The following GNG7 variants were observed in gnomAD, a reference collection of about 807,000 sequenced individuals.
GNG7 encodes the protein guanine nucleotide-binding protein G(I)/G(S)/G(O) subunit gamma-7.
Under a neutral mutation model 4.0 loss-of-function variants are expected in GNG7, and 1 was observed. The observed-to-expected ratio is 0.25, with a 90% CI of 0.09 to 1.18. The LOEUF is 1.18. GNG7 is among the 50% of genes most tolerant of loss of function. The probability of loss-of-function intolerance (pLI) is 0.50; values close to 1 mark genes in which losing one functional copy is unlikely to be tolerated. For missense variants in GNG7, 86 were observed against 91.9 expected (o/e 0.94, Z 0.26); for synonymous variants, 34 against 36.9 (o/e 0.92, Z 0.29).
chr19:2,699,333 C>T (rs2144664705), intron 1 of GNG7, among the ~76,000 whole-genome samples: 1 of 152,058 alleles, frequency 6.6e-6, no homozygotes, highest in South Asian at 2.1e-4. Context: ...ATTTTTAGTA[C>T]AGATGGGGTT....
Position 2,513,544 on chromosome 19 carries a change from C to A in GNG7, c.*1478G>T. ...CCCGACCCCATGACATCTTCGATTT[C>A]CACTTGCCGCTGGGAGGAGTGGCCC... On this transcript the variant is annotated 3_prime_UTR_variant, in exon 5 of 5. Coordinates refer to ENST00000382159, the MANE Select transcript of GNG7 (RefSeq NM_052847.3). 1.0e-6 allele frequency: 1 copy of A among 985,568 alleles called. No homozygotes were observed. The highest frequency in any genetic ancestry group is 1.2e-6 in the Non-Finnish European group (1 of 830,034). The allele number at this position is 985,568 out of a possible 1,614,324, so 61.1% of individuals were successfully genotyped here.
intron 3 of GNG7, among the ~76,000 whole-genome samples, chr19:2,535,268 C>G (rs2144740837): frequency 6.7e-6 from 1 of 148,996 alleles, no homozygotes; most frequent in East Asian, 2.0e-4. Context: ...GCAGGAGGAT[C>G]ACTTGAGCCC....
chr19:2,625,825 T>C (rs1004421607), intron 2 of GNG7, among the ~76,000 whole-genome samples: 36 of 151,666 alleles, frequency 2.4e-4, no homozygotes, highest in African/African-American at 8.7e-4. Flanking sequence ...AGGCGGAGTC[T>C]CACTCTGTCG....
At chr19:2,552,858 C>CACCTCCCCA (rs1173023606) in intron 3 of GNG7, among the ~76,000 whole-genome samples, 1 of 78,628 alleles carries the variant, frequency 1.3e-5, no homozygotes, top group South Asian at 5.1e-4. Context: ...TCCACCCCCC[C>CACCTCCCCA]CACCTCCCCA....
Position 2,513,105 on chromosome 19 carries a change from A to G in GNG7, c.*1917T>C. ...GGCCTGTGGGAGCTGCCCGAGGTTG[A>G]GGAGTGGAGGTCACTCCCCCGACAC... On this transcript the variant is annotated 3_prime_UTR_variant, in exon 5 of 5. Coordinates refer to ENST00000382159, the MANE Select transcript of GNG7 (RefSeq NM_052847.3). The G allele has an allele frequency of 1.0e-6, 1 of 985,548 alleles. No individual in the cohort carries two copies. The highest frequency in any genetic ancestry group is 1.2e-6 in the Non-Finnish European group (1 of 830,048). 61.1% of individuals were successfully genotyped at this position (985,548 alleles called of 1,614,324 possible). A position where few individuals can be genotyped will look rare whatever the true frequency, so the allele number is the denominator to read the frequency against.
intron 2 of GNG7, among the ~76,000 whole-genome samples, chr19:2,566,512 G>A (rs1211439201): frequency 2.0e-5 from 3 of 152,198 alleles, no homozygotes; most frequent in Admixed American, 2.0e-4. Flanking sequence ...CCTAAAAGGC[G>A]TCTCAGCCTG....
rs1180562557 is a variant in GNG7, at chr19:2,609,578, G to A, written c.-78+36646C>T. Among the ~76,000 whole-genome samples, 1 of 152,170 alleles carries A rather than the reference G, an allele frequency of 6.6e-6. No individual in the cohort carries two copies. Among genetic ancestry groups the A allele is most frequent in the Non-Finnish European group, 1.5e-5 (1 of 68,034 alleles). On this transcript the variant is annotated intron_variant, in intron 2 of 4. Transcript: ENST00000382159. The surrounding 1 kb of genome is among the most constrained non-coding windows in gnomAD (Gnocchi z 4.4). ...GTGCAGGACAGCTGGGTGGATTGCA[G>A]TGATGTTTGCGCACCACGTCCCGAG...
intron 2 of GNG7, among the ~76,000 whole-genome samples, chr19:2,621,782 G>T (rs1209264563): frequency 1.3e-5 from 2 of 152,156 alleles, no homozygotes; most frequent in East Asian, 3.9e-4. Context: ...GGAGCAATTC[G>T]ACGGTAAGCA....
chr19:2,602,913 CTTT>C (rs2059792701), intron 2 of GNG7, among the ~76,000 whole-genome samples: 1 of 53,008 alleles, frequency 1.9e-5, no homozygotes, highest in Non-Finnish European at 4.9e-5. Context: ...TTCTTTCTTT[CTTT>C]CTTTCTTTTT....
intron 2 of GNG7, among the ~76,000 whole-genome samples, chr19:2,596,673 C>CCG (rs1010054061): frequency 6.6e-6 from 1 of 150,448 alleles, no homozygotes; most frequent in African/African-American, 2.4e-5. Context: ...TGTCCCCCCC[C>CCG]CAAAAAAAAA....
intron 3 of GNG7, among the ~76,000 whole-genome samples, chr19:2,540,510 A>G (rs1486144794): frequency 6.6e-6 from 1 of 152,160 alleles, no homozygotes; most frequent in African/African-American, 2.4e-5. Context: ...CAGCCTGTGC[A>G]GAGGGTGGGT....
intron 3 of GNG7, among the ~76,000 whole-genome samples, chr19:2,524,327 C>T (rs200505814): frequency 3.3e-5 from 5 of 152,336 alleles, no homozygotes; most frequent in Non-Finnish European, 4.4e-5. Context: ...GAGAGGACTG[C>T]GCTGTGTGTG....
chr19:2,609,174 G>T lies in GNG7; in HGVS notation c.-78+37050C>A, dbSNP rs937762837. Among the ~76,000 whole-genome samples the T allele has an allele frequency of 6.6e-6, 1 of 151,984 alleles. No homozygotes were observed. Among genetic ancestry groups the T allele is most frequent in the Non-Finnish European group, 1.5e-5 (1 of 67,992 alleles). On this transcript the variant is annotated intron_variant, in intron 2 of 4. Transcript: ENST00000382159. This position sits in a 1 kb window ranked among gnomAD's most constrained non-coding sequence, Gnocchi z 4.4. The stretch of plus-strand genomic sequence containing the variant: ...CCCGAGTAGCTGGGATTACAGGCAT[G>T]CACCACCACACCTGGCTAATTTTTA...
rs553724929 is a variant in GNG7 at position 2,634,712 on chromosome 19, G to A, written c.-78+11512C>T. Among the ~76,000 whole-genome samples the A allele has an allele frequency of 6.6e-6, 1 of 152,206 alleles. No homozygotes were observed. Among genetic ancestry groups the A allele is most frequent in the South Asian group, 2.1e-4 (1 of 4,816 alleles). ...TCTTTCAGGGGAACAACTTGTCCGC[G>A]AAAAGAACTGATAATAACGTGAATT... On this transcript the variant is annotated intron_variant, in intron 2 of 4. Transcript: ENST00000382159. This position sits in a 1 kb window ranked among gnomAD's most constrained non-coding sequence, Gnocchi z 5.3.
chr19:2,674,382 C>A (rs531517571), intron 1 of GNG7, among the ~76,000 whole-genome samples: 4 of 152,174 alleles, frequency 2.6e-5, no homozygotes, highest in Non-Finnish European at 5.9e-5. Context: ...AATCGTCACA[C>A]TGCTGGGAAA....
At chr19:2,521,085 C>T (rs537602619) in intron 3 of GNG7, among the ~76,000 whole-genome samples, 15 of 91,214 alleles carry the variant, frequency 1.6e-4, no homozygotes, top group South Asian at 4.3e-4. Flanking sequence ...GAAACCTCAT[C>T]GTTACTAAAA....
chr19:2,657,025 A>G (rs1982993461), intron 1 of GNG7, among the ~76,000 whole-genome samples: 1 of 151,864 alleles, frequency 6.6e-6, no homozygotes, highest in Non-Finnish European at 1.5e-5. Context: ...ATTTTCAATG[A>G]TTGTCTTCAA....
Position 2,515,009 on chromosome 19 carries a change from T to C in GNG7, c.*13A>G. On this transcript the variant is annotated 3_prime_UTR_variant, in exon 5 of 5. Coordinates refer to ENST00000382159, the MANE Select transcript of GNG7 (RefSeq NM_052847.3). Reference sequence around the variant, plus strand: ...GAAAGAGAGAGAGAGAGAGAGAACATATGAGAACACAGTTATAAAATAATA... The same window carrying C: ...GAAAGAGAGAGAGAGAGAGAGAACACATGAGAACACAGTTATAAAATAATA... The C allele has an allele frequency of 6.2e-7, 1 of 1,600,908 alleles. No individual in the cohort carries two copies. The highest frequency in any genetic ancestry group is 8.6e-7 in the Non-Finnish European group (1 of 1,168,408).
At chr19:2,665,116 C>T (rs529118604) in intron 1 of GNG7, among the ~76,000 whole-genome samples, 3 of 152,290 alleles carry the variant, frequency 2.0e-5, no homozygotes, top group South Asian at 2.1e-4. Flanking sequence ...TGGTTTACAC[C>T]GTCTGCCCCA....
Sources: gnomAD v4.1 joint callset for allele counts (sites outside exome capture counted in the v4.1 genomes callset) on GRCh38, gnomAD v4.1.1 for gene constraint, Gnocchi (gnomAD v3.1) non-coding constraint, MANE v1.5 for transcripts, NCBI Gene and HGNC (gene_info 2026-07-23, HGNC 2026-07-21) for gene names.